The following TENM3 variants were observed in gnomAD, a reference collection of about 807,000 sequenced individuals.
The protein encoded by TENM3 is teneurin-3.
Under a neutral mutation model 255.1 loss-of-function variants are expected in TENM3, and 63 were observed. That is an observed-to-expected ratio of 0.25 (90% confidence interval 0.20 to 0.30). TENM3 has a LOEUF of 0.30. Ranked by LOEUF, TENM3 falls within the 10% of genes least tolerant of loss-of-function variation. The probability of loss-of-function intolerance (pLI) is 1.00; values close to 1 mark genes in which losing one functional copy is unlikely to be tolerated. For synonymous variants in TENM3, 1,306 were observed against 1,322.3 expected, an observed-to-expected ratio of 0.99 and a Z score of 0.27; for missense variants, 2,929 against 3,461.1, an observed-to-expected ratio of 0.85 and a Z score of 3.86.
the TENM3 span, among the ~76,000 whole-genome samples, chr4:181,759,472 T>A: frequency 6.6e-6 from 1 of 152,094 alleles, no homozygotes; most frequent in African/African-American, 2.4e-5. Flanking sequence ...CAATATCATC[T>A]CAAGTGGAAC....
intron 3 of TENM3, among the ~76,000 whole-genome samples, chr4:182,436,703 T>C (rs1772076060): frequency 6.6e-6 from 1 of 152,198 alleles, no homozygotes; most frequent in African/African-American, 2.4e-5. Context: ...GTTACCTCTC[T>C]TGACTTCTAA....
At chr4:182,454,897 C>T (rs773286966) in intron 3 of TENM3, among the ~76,000 whole-genome samples, 10 of 152,134 alleles carry the variant, frequency 6.6e-5, no homozygotes, top group Admixed American at 3.9e-4. Context: ...TTTTTGTTTT[C>T]CTAGGCAAAG....
the TENM3 span, among the ~76,000 whole-genome samples, chr4:181,849,781 C>G: frequency 2.0e-5 from 3 of 152,046 alleles, no homozygotes; most frequent in African/African-American, 7.2e-5. Flanking sequence ...TGCTGACAGA[C>G]ACAAGGATAA....
the TENM3 span, among the ~76,000 whole-genome samples, chr4:181,491,581 C>A: frequency 9.9e-5 from 15 of 151,946 alleles, no homozygotes; most frequent in South Asian, 2.7e-3. Context: ...GGTAGTATTT[C>A]CCATATGTGA....
At chr4:181,653,966 C>A in the TENM3 span, among the ~76,000 whole-genome samples, 1 of 151,806 alleles carries the variant, frequency 6.6e-6, no homozygotes, top group East Asian at 1.9e-4. Context: ...GGTCTCAATG[C>A]CTGTCCTTCT....
At chr4:182,595,428 G>T (rs1327319868) in intron 3 of TENM3, among the ~76,000 whole-genome samples, 2 of 152,116 alleles carry the variant, frequency 1.3e-5, no homozygotes, top group Non-Finnish European at 2.9e-5. Flanking sequence ...ATGCCAGCAG[G>T]TCTAACATGG....
chr4:181,592,976 T>A, the TENM3 span, among the ~76,000 whole-genome samples: 1 of 152,306 alleles, frequency 6.6e-6, no homozygotes, highest in Non-Finnish European at 1.5e-5. Context: ...TGGTGCTCCT[T>A]GACAAACCTC....
intron 3 of TENM3, among the ~76,000 whole-genome samples, chr4:182,375,885 A>G (rs1407163516): frequency 2.6e-5 from 4 of 152,182 alleles, no homozygotes; most frequent in African/African-American, 9.7e-5. Flanking sequence ...CAACATTTGT[A>G]AAAGGGATAA....
chr4:181,998,504 G>A, the TENM3 span, among the ~76,000 whole-genome samples: 1 of 152,110 alleles, frequency 6.6e-6, no homozygotes, highest in Non-Finnish European at 1.5e-5. Context: ...TACCCAAATA[G>A]CCTAACTGAG....
chr4:182,503,588 G>C (rs1310965085), intron 3 of TENM3, among the ~76,000 whole-genome samples: 2 of 152,140 alleles, frequency 1.3e-5, no homozygotes, highest in Non-Finnish European at 2.9e-5. Flanking sequence ...TCCTGGGATT[G>C]GCAGGCTCAG....
intron 1 of TENM3, among the ~76,000 whole-genome samples, chr4:182,152,928 A>C (rs1468881801): frequency 6.6e-6 from 1 of 151,840 alleles, no homozygotes; most frequent in African/African-American, 2.4e-5. Context: ...CTTTTAGTTA[A>C]AAGTGCAGTC....
intron 12 of TENM3, among the ~76,000 whole-genome samples, chr4:182,702,788 A>T (rs1471750527): frequency 6.7e-6 from 1 of 149,846 alleles, no homozygotes; most frequent in Non-Finnish European, 1.5e-5. Flanking sequence ...CCCAGGCTGG[A>T]GTGCAGTGGT....
At chr4:181,557,631 A>G in the TENM3 span, among the ~76,000 whole-genome samples, 1 of 151,860 alleles carries the variant, frequency 6.6e-6, no homozygotes, top group Non-Finnish European at 1.5e-5. Context: ...GGCTCAAGTG[A>G]TTCTCCCACC....
At chr4:181,448,160 T>A in the TENM3 span, among the ~76,000 whole-genome samples, 39 of 43,090 alleles carry the variant, frequency 9.1e-4, no homozygotes, top group East Asian at 3.9e-3. Context: ...AGTAATTTTT[T>A]TTTTTTTTTT....
At chr4:182,781,537 T>C (rs1028322895) in intron 24 of TENM3, among the ~76,000 whole-genome samples, 1 of 152,126 alleles carries the variant, frequency 6.6e-6, no homozygotes, top group Non-Finnish European at 1.5e-5. Context: ...TGTCTCTGCC[T>C]GGCTTTGGTA....
At chr4:181,951,230 AT>A in the TENM3 span, among the ~76,000 whole-genome samples, 3 of 151,980 alleles carry the variant, frequency 2.0e-5, no homozygotes, top group Non-Finnish European at 4.4e-5. Flanking sequence ...GCCCACACAC[AT>A]TTTTTTTCTT....
chr4:181,721,519 G>A, the TENM3 span, among the ~76,000 whole-genome samples: 1 of 99,602 alleles, frequency 1.0e-5, no homozygotes, highest in African/African-American at 3.4e-5. Flanking sequence ...AGAATGGCGT[G>A]AACCCGGGAG....
the TENM3 span, among the ~76,000 whole-genome samples, chr4:181,891,673 A>G: frequency 6.6e-6 from 1 of 152,182 alleles, no homozygotes; most frequent in Non-Finnish European, 1.5e-5. Context: ...TTAAACCTGC[A>G]GTTTCAGCCC....
intron 1 of TENM3, among the ~76,000 whole-genome samples, chr4:182,244,180 C>T (rs1757495742): frequency 6.6e-6 from 1 of 151,790 alleles, no homozygotes; most frequent in Admixed American, 6.6e-5. Flanking sequence ...GTCTCGATCT[C>T]CTGACCTCGT....
Sources: allele counts gnomAD v4.1 joint callset (sites outside exome capture counted in the v4.1 genomes callset), GRCh38; gene constraint gnomAD v4.1.1; transcripts MANE v1.5; gene names NCBI Gene and HGNC (gene_info 2026-07-23, HGNC 2026-07-21).